The following TMBIM1 variants were observed in gnomAD, a reference collection of about 807,000 sequenced individuals.
TMBIM1 encodes the protein protein lifeguard 3.
Under a neutral mutation model 45.1 loss-of-function variants are expected in TMBIM1, and 34 were observed. The observed-to-expected ratio is 0.75, with a 90% CI of 0.57 to 1.00. The LOEUF (loss-of-function observed/expected upper bound fraction) is 1.00. Among genes scored for constraint, TMBIM1 ranks in the 50% least tolerant of loss-of-function variants. The pLI is 0.00. For synonymous variants in TMBIM1, 157 were observed against 153.5 expected, an observed-to-expected ratio of 1.02 and a Z score of -0.17; for missense variants, 374 against 402.4, an observed-to-expected ratio of 0.93 and a Z score of 0.60.
At chr2:218,292,136 A>C (rs1199188525) in intron 1 of TMBIM1, among the ~76,000 whole-genome samples, 1 of 152,156 alleles carries the variant, frequency 6.6e-6, no homozygotes, top group African/African-American at 2.4e-5. Context: ...AGGCCCTGCG[A>C]CAGAGAGGCC....
At chr2:218,288,495 G>A (rs1692706914) in intron 1 of TMBIM1, among the ~76,000 whole-genome samples, 1 of 152,222 alleles carries the variant, frequency 6.6e-6, no homozygotes, top group South Asian at 2.1e-4. Context: ...ACCACTTCCA[G>A]TACTTACTAT....
chr2:218,278,973 G>A, intron 5 of TMBIM1, 65 bp downstream of exon 5: 1 of 1,589,930 alleles, frequency 6.3e-7, no homozygotes, highest in Non-Finnish European at 8.6e-7. Context: ...AGCAAAGCTG[G>A]TCACCTAGAA....
At chr2:218,281,463 C>T (rs1691983558) in intron 2 of TMBIM1, among the ~76,000 whole-genome samples, 1 of 152,212 alleles carries the variant, frequency 6.6e-6, no homozygotes, top group African/African-American at 2.4e-5. Flanking sequence ...CAAACACAAG[C>T]ATGTCCCTGC....
Position 218,282,159 on chromosome 2 carries a change from G to T in TMBIM1, c.-18C>A, listed in dbSNP as rs2292555. 1.7e-3 allele frequency: 2,454 copies of T among 1,462,870 alleles called. 41 individuals carry two copies. The African/African-American group carries it at 0.032, about 19-fold the overall frequency. 90.6% of individuals were successfully genotyped at this position (1,462,870 alleles called of 1,614,324 possible). On this transcript the variant is annotated 5_prime_UTR_variant, in exon 2 of 12. Coordinates refer to ENST00000258412, the MANE Select transcript of TMBIM1 (RefSeq NM_022152.6). ...TTGGACATGGCTGCTCACGGGCTGA[G>T]GGGGAACCCCAGCTGCTGGGACCTG...
Position 218,274,392 on chromosome 2 carries a change from T to C in TMBIM1, c.*1083A>G, listed in dbSNP as rs564704855. The stretch of plus-strand genomic sequence containing the variant: ...GCACTTAATATTACAAAGAAGGCAG[T>C]GGCTGGCTGGAGAGATGGGCCTCAA... On this transcript the variant is annotated 3_prime_UTR_variant, in exon 12 of 12. Transcript: ENST00000258412. 71 of 154,922 alleles carry C rather than the reference T, an allele frequency of 4.6e-4. 1 individual carries two copies. The South Asian group carries it at 0.014, about 30-fold the overall frequency. 9.6% of individuals were successfully genotyped at this position (154,922 alleles called of 1,614,324 possible).
intron 1 of TMBIM1, chr2:218,287,388 G>A (rs895299902): frequency 6.6e-6 from 1 of 152,288 alleles, no homozygotes; most frequent in Non-Finnish European, 1.5e-5. Context: ...CATTCTCTCA[G>A]TTCTCTAGTG....
At chr2:218,278,171 T>C (rs1691443352) in intron 6 of TMBIM1, 197 bp from the exon 7 acceptor site, 1 of 632,620 alleles carries the variant, frequency 1.6e-6, no homozygotes, top group African/African-American at 1.8e-5. Flanking sequence ...CAGACCTGTG[T>C]TGTGGCGCCA....
chr2:218,277,830 G>A (rs573599209), intron 7 of TMBIM1, 105 bp downstream of exon 7: 330 of 1,562,088 alleles, frequency 2.1e-4, no homozygotes, highest in Non-Finnish European at 9.1e-5. Context: ...AGATAAGGTG[G>A]AGGAGACAGC....
chr2:218,285,556 A>G (rs149191613), intron 1 of TMBIM1, among the ~76,000 whole-genome samples: 201 of 152,352 alleles, frequency 1.3e-3, no homozygotes, highest in Non-Finnish European at 1.8e-3. Context: ...CATAAAGGTC[A>G]GAGCTGGAAA....
chr2:218,277,769 GCCA>G (rs1691385559), intron 7 of TMBIM1, 99 bp from the exon 8 acceptor site: 8 of 1,560,380 alleles, frequency 5.1e-6, no homozygotes, highest in Non-Finnish European at 7.1e-6. Flanking sequence ...GCTGGGGAAC[GCCA>G]CCAAGTTGGA....
chr2:218,281,484 A>G (rs1691988034), intron 2 of TMBIM1, among the ~76,000 whole-genome samples: 1 of 152,216 alleles, frequency 6.6e-6, no homozygotes, highest in South Asian at 2.1e-4. Context: ...CATGATGTTT[A>G]CCAAACTTGG....
chr2:218,289,401 G>A (rs1692775099), intron 1 of TMBIM1, among the ~76,000 whole-genome samples: 2 of 152,098 alleles, frequency 1.3e-5, no homozygotes, highest in African/African-American at 4.8e-5. Flanking sequence ...CAGCACTTTG[G>A]GAGGCCGAGC....
rs1160852157 is a variant in TMBIM1, at chr2:218,277,036, T to A, written c.703A>T (p.Ile235Phe). The change falls in exon 10 of 12, where the codon ATT (isoleucine) becomes TTT (phenylalanine). Residue 235 changes from isoleucine (I) to phenylalanine (F), a missense_variant. Ile to Phe is a conservative substitution (Grantham distance 21). Transcript: ENST00000258412. Reference sequence around the variant, plus strand: ...AAGTAGAGCACAATGCTAGTGACAATCCCAGTCACCAGGAGCACAATTCCC... The same window carrying A: ...AAGTAGAGCACAATGCTAGTGACAAACCCAGTCACCAGGAGCACAATTCCC... ...VLGIVLLVTG[I>F]VTSIVLYFQY... 8.7e-6 allele frequency: 14 copies of A among 1,613,916 alleles called. No homozygotes were observed. Among genetic ancestry groups the A allele is most frequent in the Non-Finnish European group, 1.1e-5 (13 of 1,179,986 alleles).
intron 1 of TMBIM1, among the ~76,000 whole-genome samples, chr2:218,285,501 T>TGG (rs1013638181): frequency 6.6e-6 from 1 of 152,088 alleles, no homozygotes; most frequent in African/African-American, 2.4e-5. Context: ...GCTCACAGCC[T>TGG]GGCCAACGGC....
chr2:218,290,175 A>G (rs1304133251), intron 1 of TMBIM1: 2 of 151,978 alleles, frequency 1.3e-5, no homozygotes, highest in Non-Finnish European at 2.9e-5. Context: ...GAAACAGATG[A>G]CTCTTGAGAA....
intron 1 of TMBIM1, among the ~76,000 whole-genome samples, chr2:218,287,896 T>C (rs1692646033): frequency 6.6e-6 from 1 of 152,108 alleles, no homozygotes; most frequent in African/African-American, 2.4e-5. Context: ...TCCGCCACCC[T>C]TGTCTGGAGC....
intron 1 of TMBIM1, among the ~76,000 whole-genome samples, chr2:218,290,574 G>A (rs1017055332): frequency 6.6e-6 from 1 of 152,160 alleles, no homozygotes; most frequent in African/African-American, 2.4e-5. Flanking sequence ...CCCACCGTGG[G>A]ATTTACTGCC....
intron 11 of TMBIM1, 78 bp from the exon 12 acceptor site, chr2:218,275,699 T>C (rs1438511847): frequency 6.5e-7 from 1 of 1,535,650 alleles, no homozygotes; most frequent in African/African-American, 1.4e-5. Context: ...AGATTTGTCT[T>C]GGGGGCCTAT....
intron 1 of TMBIM1, 107 bp from the exon 2 acceptor site, chr2:218,282,288 C>T: frequency 1.6e-6 from 1 of 630,958 alleles, no homozygotes; most frequent in Non-Finnish European, 2.6e-6. Flanking sequence ...GAGAGGAACA[C>T]CACCTATTTT....
Sources: allele counts gnomAD v4.1 joint callset (sites outside exome capture counted in the v4.1 genomes callset), GRCh38; gene constraint gnomAD v4.1.1; transcripts MANE v1.5; gene names NCBI Gene and HGNC (gene_info 2026-07-23, HGNC 2026-07-21).